NBAS: variants seen among roughly 807,000 people sequenced by gnomAD.
NBAS encodes NAG/BC035112 fusion.
In NBAS, 219 loss-of-function variants were observed where a neutral mutation model predicts 302.5. That is an observed-to-expected ratio of 0.72 (90% confidence interval 0.65 to 0.81). The LOEUF is 0.81. NBAS is among the 30% of genes least tolerant of loss of function. NBAS has a pLI of 0.00. For synonymous variants in NBAS, 1,118 were observed against 1,021.6 expected, an observed-to-expected ratio of 1.09 and a Z score of -1.80; for missense variants, 2,932 against 2,841.6, an observed-to-expected ratio of 1.03 and a Z score of -0.72.
chr2:15,160,585 C>CGGGGGGGGGG, the NBAS span, among the ~76,000 whole-genome samples: 3 of 92,276 alleles, frequency 3.3e-5, no homozygotes, highest in African/African-American at 4.7e-5. Context: ...CCAGTGTGGG[C>CGGGGGGGGGG]GGGGGGAGGG....
the NBAS span, among the ~76,000 whole-genome samples, chr2:14,921,639 G>C: frequency 6.6e-6 from 1 of 152,290 alleles, no homozygotes; most frequent in Admixed American, 6.5e-5. Context: ...GTCAAGTTCA[G>C]AGTTAAGAGT....
At chr2:15,527,433 G>T (rs975703913) in intron 9 of NBAS, among the ~76,000 whole-genome samples, 16 of 152,256 alleles carry the variant, frequency 1.1e-4, no homozygotes, top group Admixed American at 5.2e-4. Flanking sequence ...CTGAAGACTG[G>T]GAAGTTCAAG....
At chr2:15,170,719 T>G (rs1024068934) in intron 51 of NBAS, among the ~76,000 whole-genome samples, 19 of 152,202 alleles carry the variant, frequency 1.2e-4, no homozygotes, top group African/African-American at 3.4e-4. Context: ...ATAGATAATT[T>G]TTCTGTGTGT....
intron 41 of NBAS, among the ~76,000 whole-genome samples, chr2:15,289,674 C>T (rs903383272): frequency 7.9e-5 from 12 of 152,100 alleles, no homozygotes; most frequent in African/African-American, 2.9e-4. Context: ...AGGACAGGTA[C>T]AATGCACTTA....
chr2:15,019,204 C>T, the NBAS span, among the ~76,000 whole-genome samples: 1 of 152,034 alleles, frequency 6.6e-6, no homozygotes, highest in African/African-American at 2.4e-5. Context: ...ACAATCAGAG[C>T]CCTGATACAG....
At chr2:14,898,939 G>A in the NBAS span, among the ~76,000 whole-genome samples, 1 of 152,118 alleles carries the variant, frequency 6.6e-6, no homozygotes, top group Admixed American at 6.5e-5. Context: ...TCTGTAGTTT[G>A]GGAACTTTTA....
chr2:15,417,810 T>C (rs1375590773), intron 23 of NBAS, 98 bp from the exon 24 acceptor site: 1 of 1,225,084 alleles, frequency 8.2e-7, no homozygotes, highest in African/African-American at 1.6e-5. Context: ...CTTATAATCA[T>C]TTTTTATAAA....
chr2:15,471,287 T>C (rs1402148042), intron 16 of NBAS, among the ~76,000 whole-genome samples: 1 of 152,212 alleles, frequency 6.6e-6, no homozygotes, highest in Admixed American at 6.5e-5. Flanking sequence ...AGCAACTTTA[T>C]CTTCTTCCGT....
chr2:15,095,113 T>C, the NBAS span, among the ~76,000 whole-genome samples: 1 of 152,134 alleles, frequency 6.6e-6, no homozygotes, highest in East Asian at 1.9e-4. Context: ...AAAACATGCA[T>C]AGGAGGTGGC....
the NBAS span, among the ~76,000 whole-genome samples, chr2:15,159,066 C>T: frequency 2.6e-5 from 4 of 152,178 alleles, no homozygotes; most frequent in Non-Finnish European, 2.9e-5. Flanking sequence ...AGGAATCTTC[C>T]ACCCCTTTGC....
At chr2:15,484,494 T>C (rs1456813966) in intron 12 of NBAS, among the ~76,000 whole-genome samples, 3 of 152,168 alleles carry the variant, frequency 2.0e-5, no homozygotes, top group Non-Finnish European at 4.4e-5. Context: ...TAAATCCTAC[T>C]GCTCAAGGTC....
At chr2:14,964,080 A>G in the NBAS span, among the ~76,000 whole-genome samples, 4 of 152,254 alleles carry the variant, frequency 2.6e-5, no homozygotes, top group Non-Finnish European at 5.9e-5. Context: ...AATCAAGAAT[A>G]TTTATAGGTA....
the NBAS span, among the ~76,000 whole-genome samples, chr2:14,828,290 A>G: frequency 6.6e-6 from 1 of 152,196 alleles, no homozygotes; most frequent in African/African-American, 2.4e-5. Flanking sequence ...GATGGAGGCT[A>G]CTTGGGTTTG....
chr2:15,204,092 T>A (rs1666025581), intron 48 of NBAS, among the ~76,000 whole-genome samples: 1 of 151,848 alleles, frequency 6.6e-6, no homozygotes, highest in Non-Finnish European at 1.5e-5. Flanking sequence ...TGAGACCCCA[T>A]CTCTACGAAA....
In NBAS at chr2:15,523,529, G is replaced by C. The variant is rs542453794; in HGVS notation, c.746+11014C>G. Among the ~76,000 whole-genome samples the C allele has an allele frequency of 2.6e-5, 4 of 152,288 alleles. No individual in the cohort carries two copies. The East Asian group carries it at 7.7e-4, about 29-fold the overall frequency. ...GCAAATACTATACCACTTCACATCA[G>C]GGACTTGAGCATTTGTGGATTTTGG... is the stretch of plus-strand genomic sequence containing the variant. On this transcript the variant is annotated intron_variant, in intron 9 of 51. Coordinates refer to ENST00000281513, the MANE Select transcript of NBAS (RefSeq NM_015909.4).
chr2:15,176,173 G>A (rs10929345), intron 51 of NBAS, among the ~76,000 whole-genome samples: 2 of 151,664 alleles, frequency 1.3e-5, no homozygotes, highest in African/African-American at 2.4e-5. Context: ...GACGTGAGTC[G>A]GGCCAAAATG....
At chr2:15,318,936 C>T (rs999851613) in intron 38 of NBAS, among the ~76,000 whole-genome samples, 2 of 152,174 alleles carry the variant, frequency 1.3e-5, no homozygotes, top group African/African-American at 4.8e-5. Flanking sequence ...CCCAAATCAA[C>T]AGAATATACA....
the NBAS span, among the ~76,000 whole-genome samples, chr2:15,144,065 A>ATATATAT: frequency 3.5e-4 from 42 of 121,638 alleles, 3 homozygotes; most frequent in East Asian, 4.7e-3. Context: ...ATATATATAT[A>ATATATAT]TATCTCCCAT....
the NBAS span, among the ~76,000 whole-genome samples, chr2:15,140,887 C>T: frequency 2.6e-5 from 4 of 152,140 alleles, no homozygotes; most frequent in South Asian, 4.1e-4. Context: ...GTTGAACATA[C>T]ATTTTTCAGA....
Sources: gnomAD v4.1 joint callset for allele counts (sites outside exome capture counted in the v4.1 genomes callset) on GRCh38, gnomAD v4.1.1 for gene constraint, MANE v1.5 for transcripts, NCBI Gene and HGNC (gene_info 2026-07-23, HGNC 2026-07-21) for gene names.